The following PRTFDC1 variants were observed in gnomAD, a reference collection of about 807,000 sequenced individuals.
PRTFDC1 encodes phosphoribosyl transferase domain containing 1.
A neutral mutation model predicts 34.6 loss-of-function variants in PRTFDC1; 38 were observed. That is an observed-to-expected ratio of 1.10 (90% CI 0.85 to 1.44). The LOEUF (loss-of-function observed/expected upper bound fraction) is 1.44, where lower values mean the gene tolerates loss of function less well. PRTFDC1 is among the 40% of genes most tolerant of loss of function. The pLI is 0.00. For synonymous variants in PRTFDC1, 93 were observed against 98.1 expected (o/e 0.95, Z 0.31); for missense variants, 270 against 283.0 (o/e 0.95, Z 0.33).
chr10:24,860,313 G>A (rs1016529516), intron 4 of PRTFDC1, among the ~76,000 whole-genome samples: 8 of 152,100 alleles, frequency 5.3e-5, no homozygotes, highest in Admixed American at 2.0e-4. Flanking sequence ...ACCGGGAGGC[G>A]GAGGTTGCAG....
At chr10:24,896,630 G>C (rs1848369595) in intron 3 of PRTFDC1, among the ~76,000 whole-genome samples, 1 of 152,224 alleles carries the variant, frequency 6.6e-6, no homozygotes, top group South Asian at 2.1e-4. Context: ...AGGCACTTCA[G>C]AGGAAAGTCA....
At chr10:24,864,503 C>T (rs993103727) in intron 4 of PRTFDC1, among the ~76,000 whole-genome samples, 3 of 152,136 alleles carry the variant, frequency 2.0e-5, no homozygotes, top group African/African-American at 4.8e-5. Flanking sequence ...CCATCAACAT[C>T]GTGGCAAGAC....
At chr10:24,912,927 C>T (rs1204798536) in intron 3 of PRTFDC1, among the ~76,000 whole-genome samples, 4 of 152,182 alleles carry the variant, frequency 2.6e-5, no homozygotes, top group African/African-American at 9.7e-5. Context: ...TATCATGTCG[C>T]CTTTCCACTC....
intron 3 of PRTFDC1, among the ~76,000 whole-genome samples, chr10:24,889,094 G>T (rs879369416): frequency 1.3e-5 from 2 of 152,122 alleles, no homozygotes; most frequent in Non-Finnish European, 2.9e-5. Flanking sequence ...GGGGACTTTG[G>T]GGGGTGATTA....
At chr10:24,947,843 T>A (rs563181586) in intron 1 of PRTFDC1, among the ~76,000 whole-genome samples, 1 of 152,160 alleles carries the variant, frequency 6.6e-6, no homozygotes, top group African/African-American at 2.4e-5. Flanking sequence ...ACAGGAATTC[T>A]GGGATTCCTG....
chr10:24,891,010 C>T (rs571251191), intron 3 of PRTFDC1, among the ~76,000 whole-genome samples: 1 of 152,220 alleles, frequency 6.6e-6, no homozygotes, highest in Admixed American at 6.5e-5. Flanking sequence ...AAGGGAGGAC[C>T]CATTTGGGAA....
At chr10:24,883,886 GT>G (rs1364936591) in intron 3 of PRTFDC1, among the ~76,000 whole-genome samples, 1 of 144,010 alleles carries the variant, frequency 6.9e-6, no homozygotes, top group Admixed American at 7.2e-5. Flanking sequence ...GTGCAGTGGC[GT>G]GATCTTGGCT....
chr10:24,860,520 A>G (rs1847662523), intron 4 of PRTFDC1, among the ~76,000 whole-genome samples: 1 of 152,232 alleles, frequency 6.6e-6, no homozygotes, highest in Non-Finnish European at 1.5e-5. Context: ...TTTGCACCGT[A>G]TATCAAACAC....
At chr10:24,930,136 C>T (rs1848949464) in intron 3 of PRTFDC1, among the ~76,000 whole-genome samples, 1 of 152,098 alleles carries the variant, frequency 6.6e-6, no homozygotes, top group Non-Finnish European at 1.5e-5. Context: ...GCCTGTTTCT[C>T]TTTGATTCGA....
chr10:24,854,805 A>T (rs1847544965), intron 7 of PRTFDC1, among the ~76,000 whole-genome samples: 1 of 152,066 alleles, frequency 6.6e-6, no homozygotes, highest in African/African-American at 2.4e-5. Flanking sequence ...GCTGTCTTAG[A>T]TTTCCCCTTC....
intron 1 of PRTFDC1, among the ~76,000 whole-genome samples, chr10:24,944,969 T>C (rs914868572): frequency 2.0e-5 from 3 of 152,084 alleles, no homozygotes; most frequent in Non-Finnish European, 2.9e-5. Flanking sequence ...GCTGCTCTCT[T>C]TCAAGTCCTC....
rs1847438575 is a variant in PRTFDC1 at position 24,849,089 on chromosome 10, A to AGAAAC, written c.*754_*755insGTTTC. ...TCATGTCCCACATGAATAAAAGGATACAGCTTAGAAACCAGGGCCTTGCTG... is the reference window on the plus strand; with the variant it reads ...TCATGTCCCACATGAATAAAAGGATAGAAACCAGCTTAGAAACCAGGGCCTTGCTG... On this transcript the variant is annotated 3_prime_UTR_variant, in exon 9 of 9. Coordinates refer to ENST00000320152, the MANE Select transcript of PRTFDC1 (RefSeq NM_020200.7). 2.6e-5 allele frequency: 4 copies of AGAAAC among 152,284 alleles called. No individual in the cohort carries two copies. Among genetic ancestry groups the AGAAAC allele is most frequent in the Non-Finnish European group, 5.9e-5 (4 of 68,044 alleles). 9.4% of individuals were successfully genotyped at this position (152,284 alleles called of 1,614,324 possible). A position where few individuals can be genotyped will look rare whatever the true frequency, so the allele number is the denominator to read the frequency against.
intron 3 of PRTFDC1, among the ~76,000 whole-genome samples, chr10:24,929,686 G>A (rs1202040825): frequency 6.6e-6 from 1 of 152,098 alleles, no homozygotes; most frequent in Non-Finnish European, 1.5e-5. Context: ...TCCTCACATT[G>A]GATTGCATAT....
At chr10:24,923,330 G>A (rs909211726) in intron 3 of PRTFDC1, among the ~76,000 whole-genome samples, 9 of 152,206 alleles carry the variant, frequency 5.9e-5, no homozygotes, top group African/African-American at 1.7e-4. Context: ...CTCTGAGAAC[G>A]GACAGACTGC....
At chr10:24,901,434 A>G (rs1433420741) in intron 3 of PRTFDC1, among the ~76,000 whole-genome samples, 2 of 152,096 alleles carry the variant, frequency 1.3e-5, no homozygotes, top group Non-Finnish European at 2.9e-5. Context: ...CATACCCTAA[A>G]ATGTTTTTTA....
intron 3 of PRTFDC1, among the ~76,000 whole-genome samples, chr10:24,928,199 T>C (rs1220323415): frequency 1.3e-5 from 2 of 152,144 alleles, no homozygotes; most frequent in African/African-American, 4.8e-5. Context: ...TTCCCTCTTC[T>C]AGTCCTTTAT....
chr10:24,898,442 T>G (rs1328931021), intron 3 of PRTFDC1, among the ~76,000 whole-genome samples: 2 of 123,594 alleles, frequency 1.6e-5, no homozygotes, highest in African/African-American at 3.2e-5. Flanking sequence ...CCGGCCCGGG[T>G]GACAGAATGA....
In PRTFDC1 at chr10:24,855,354, TCAC is replaced by T; in HGVS notation, c.514_516del (p.Val172del). The T allele has an allele frequency of 6.2e-7, 1 of 1,614,096 alleles. No individual in the cohort carries two copies. Among genetic ancestry groups the T allele is most frequent in the Non-Finnish European group, 8.5e-7 (1 of 1,179,980 alleles). On this transcript the variant is annotated inframe_deletion, in exon 7 of 9. Transcript: ENST00000320152. ...AAGCCGTCACTTCTGGATGTTCTCTTCACCAACAAACTACCATTAAAAAAGACA... is the reference window on the plus strand; with the variant it reads ...AAGCCGTCACTTCTGGATGTTCTCTTCAACAAACTACCATTAAAAAAGACA...
At chr10:24,868,821 T>C (rs1847829763) in intron 4 of PRTFDC1, among the ~76,000 whole-genome samples, 1 of 151,902 alleles carries the variant, frequency 6.6e-6, no homozygotes, top group African/African-American at 2.4e-5. Flanking sequence ...AGCTAGTGTA[T>C]ATTCTGCATG....
Sources: allele counts gnomAD v4.1 joint callset (sites outside exome capture counted in the v4.1 genomes callset), GRCh38; gene constraint gnomAD v4.1.1; transcripts MANE v1.5; gene names NCBI Gene and HGNC (gene_info 2026-07-23, HGNC 2026-07-21).